ATP8A2: variants seen among roughly 807,000 people sequenced by gnomAD.
ATP8A2 encodes the protein phospholipid-transporting ATPase IB.
A neutral mutation model predicts 165.6 loss-of-function variants in ATP8A2; 100 were observed. The ratio of observed to expected loss-of-function variants is 0.60; its 90% CI spans 0.51 to 0.71. The LOEUF (loss-of-function observed/expected upper bound fraction) is 0.71, where lower values mean the gene tolerates loss of function less well. Among genes scored for constraint, ATP8A2 ranks in the 30% least tolerant of loss-of-function variants. The probability of loss-of-function intolerance (pLI) is 0.00; values close to 1 mark genes in which losing one functional copy is unlikely to be tolerated. For synonymous variants in ATP8A2, 543 were observed against 548.8 expected (o/e 0.99, Z 0.15); for missense variants, 1,227 against 1,479.5 (o/e 0.83, Z 2.80).
intron 24 of ATP8A2, among the ~76,000 whole-genome samples, chr13:25,615,531 T>C (rs1441429348): frequency 9.9e-5 from 15 of 152,186 alleles, no homozygotes; most frequent in Admixed American, 9.8e-4. Context: ...TGCTCCTGTC[T>C]GCACTCCTGA....
At chr13:25,627,775 G>A (rs2137494228) in intron 24 of ATP8A2, among the ~76,000 whole-genome samples, 1 of 152,302 alleles carries the variant, frequency 6.6e-6, no homozygotes, top group African/African-American at 2.4e-5. Flanking sequence ...GGAGCTATCT[G>A]GAGGAAATGC....
Position 25,489,433 on chromosome 13 carries a change from C to T in ATP8A2, c.221+20312C>T, listed in dbSNP as rs184933472. Among the ~76,000 whole-genome samples the T allele has an allele frequency of 2.1e-3, 325 of 152,326 alleles. 2 individuals are homozygous for T. The highest frequency in any genetic ancestry group is 2.2e-3 in the Non-Finnish European group (151 of 68,032). On this transcript the variant is annotated intron_variant, in intron 2 of 36. Coordinates refer to ENST00000381655, the MANE Select transcript of ATP8A2 (RefSeq NM_016529.6). ...GTCCTGCATCTCCACCGTTTGCAGG[C>T]GGAGGCAGCCCCTCTGTGCCGCAGC... is the stretch of plus-strand genomic sequence containing the variant.
chr13:25,791,686 G>A (rs1477580564), intron 27 of ATP8A2, among the ~76,000 whole-genome samples: 1 of 151,964 alleles, frequency 6.6e-6, no homozygotes, highest in South Asian at 2.1e-4. Context: ...TTCTTTCAAA[G>A]CCTATTCATC....
At chr13:25,816,243 G>A (rs1293541977) in intron 27 of ATP8A2, among the ~76,000 whole-genome samples, 2 of 152,184 alleles carry the variant, frequency 1.3e-5, no homozygotes, top group Non-Finnish European at 2.9e-5. Flanking sequence ...GTAGATACAT[G>A]GATCTTTAGA....
At chr13:25,795,348 A>C (rs932602965) in intron 27 of ATP8A2, among the ~76,000 whole-genome samples, 5 of 152,222 alleles carry the variant, frequency 3.3e-5, no homozygotes, top group Non-Finnish European at 5.9e-5. Context: ...ATATTATAGT[A>C]AATAATAAAT....
chr13:25,419,656 C>T (rs1055412996), intron 1 of ATP8A2, among the ~76,000 whole-genome samples: 3 of 152,034 alleles, frequency 2.0e-5, no homozygotes, highest in East Asian at 1.9e-4. Context: ...TTCTCATAAC[C>T]GTAATGTTTT....
intron 1 of ATP8A2, among the ~76,000 whole-genome samples, chr13:25,402,981 A>G (rs1274770119): frequency 6.6e-6 from 1 of 152,168 alleles, no homozygotes; most frequent in East Asian, 1.9e-4. Flanking sequence ...AGAGATAGAA[A>G]GGAAAATAGG....
At chr13:25,821,695 G>T (rs1483725880) in intron 27 of ATP8A2, among the ~76,000 whole-genome samples, 1 of 152,182 alleles carries the variant, frequency 6.6e-6, no homozygotes, top group Admixed American at 6.5e-5. Flanking sequence ...TTTCTCAACA[G>T]TGGCATTATT....
intron 1 of ATP8A2, among the ~76,000 whole-genome samples, chr13:25,425,687 G>A (rs1459270339): frequency 6.6e-6 from 1 of 151,794 alleles, no homozygotes; most frequent in East Asian, 1.9e-4. Flanking sequence ...CCATTCTCCT[G>A]CCTCAGTCTC....
chr13:25,820,960 T>C (rs1403710822), intron 27 of ATP8A2, among the ~76,000 whole-genome samples: 1 of 151,940 alleles, frequency 6.6e-6, no homozygotes, highest in Non-Finnish European at 1.5e-5. Flanking sequence ...TTTTTTTTTT[T>C]CTCTACCAAG....
chr13:25,561,479 G>A (rs2039152924), intron 15 of ATP8A2, among the ~76,000 whole-genome samples: 1 of 151,664 alleles, frequency 6.6e-6, no homozygotes, highest in South Asian at 2.1e-4. Flanking sequence ...CCCTAACTTC[G>A]CTTTTGCATT....
chr13:25,491,561 A>C (rs1391380671), intron 2 of ATP8A2, among the ~76,000 whole-genome samples: 3 of 152,186 alleles, frequency 2.0e-5, no homozygotes, highest in Admixed American at 6.5e-5. Context: ...AAATAGTGAC[A>C]GTACAGCGTT....
chr13:25,647,847 G>A (rs961236180), intron 24 of ATP8A2, among the ~76,000 whole-genome samples: 4 of 151,590 alleles, frequency 2.6e-5, no homozygotes, highest in South Asian at 2.1e-4. Flanking sequence ...CACCATGCCC[G>A]GCTAAATTTT....
Position 25,703,599 on chromosome 13 carries a change from T to C in ATP8A2, c.2384+4254T>C, listed in dbSNP as rs557260012. Among the ~76,000 whole-genome samples, 6 of 152,230 alleles carry C rather than the reference T, an allele frequency of 3.9e-5. No individual in the cohort carries two copies. The East Asian group carries it at 9.7e-4, about 25-fold the overall frequency. On this transcript the variant is annotated intron_variant, in intron 25 of 36. Coordinates refer to ENST00000381655, the MANE Select transcript of ATP8A2 (RefSeq NM_016529.6). ...TATGAATCCATACGGTGGAATATTA[T>C]TGAGCCATAAAAAAAAATAAAGTAG...
intron 27 of ATP8A2, among the ~76,000 whole-genome samples, chr13:25,804,579 A>G (rs1950690046): frequency 6.6e-6 from 1 of 152,186 alleles, no homozygotes; most frequent in Non-Finnish European, 1.5e-5. Context: ...ACCTCTACAC[A>G]GTGGAGCTTT....
intron 27 of ATP8A2, among the ~76,000 whole-genome samples, chr13:25,823,804 G>A (rs1422656227): frequency 1.3e-5 from 2 of 152,022 alleles, no homozygotes; most frequent in East Asian, 3.8e-4. Flanking sequence ...GGGTATTTCA[G>A]AAAATTTTCT....
chr13:25,584,756 T>G (rs1385426053), intron 23 of ATP8A2, among the ~76,000 whole-genome samples: 4 of 152,184 alleles, frequency 2.6e-5, no homozygotes, highest in African/African-American at 9.7e-5. Context: ...GAAATTTGAT[T>G]TAGAAGACCA....
chr13:25,738,114 A>G (rs902033059), intron 25 of ATP8A2, among the ~76,000 whole-genome samples: 1 of 152,232 alleles, frequency 6.6e-6, no homozygotes, highest in African/African-American at 2.4e-5. Context: ...TCCTGGTTGC[A>G]GAAGTGCTAT....
At chr13:25,631,473 T>C (rs1038915377) in intron 24 of ATP8A2, among the ~76,000 whole-genome samples, 3 of 152,154 alleles carry the variant, frequency 2.0e-5, no homozygotes, top group African/African-American at 4.8e-5. Context: ...TTAAGTTGAT[T>C]TGAGGATTTT....
Sources: allele counts gnomAD v4.1 joint callset (sites outside exome capture counted in the v4.1 genomes callset), GRCh38; gene constraint gnomAD v4.1.1; transcripts MANE v1.5; gene names NCBI Gene and HGNC (gene_info 2026-07-23, HGNC 2026-07-21).